GABRB2: variants seen among roughly 807,000 people sequenced by gnomAD.
GABRB2 encodes the protein gamma-aminobutyric acid type A receptor subunit beta2, also known as gamma-aminobutyric acid receptor subunit beta-2.
A neutral mutation model predicts 54.7 loss-of-function variants in GABRB2; 16 were observed. The observed-to-expected ratio is 0.29, with a 90% CI of 0.20 to 0.44. The LOEUF is 0.44. Among genes scored for constraint, GABRB2 ranks in the 20% least tolerant of loss-of-function variants. GABRB2 has a pLI of 1.00. For synonymous variants in GABRB2, 244 were observed against 233.8 expected, an observed-to-expected ratio of 1.04 and a Z score of -0.40; for missense variants, 355 against 644.0, an observed-to-expected ratio of 0.55 and a Z score of 4.86.
chr5:161,475,127 G>A (rs1195348271), intron 3 of GABRB2, among the ~76,000 whole-genome samples: 1 of 151,972 alleles, frequency 6.6e-6, no homozygotes, highest in East Asian at 1.9e-4. Flanking sequence ...GATGGTTTTA[G>A]AGAGAAATAG....
chr5:161,334,972 G>T, intron 6 of GABRB2, 68 bp from the exon 7 acceptor site: 3 of 1,450,746 alleles, frequency 2.1e-6, no homozygotes, highest in Non-Finnish European at 2.9e-6. Flanking sequence ...CTTTAAAGGT[G>T]CATAAACAGT....
chr5:161,547,337 G>A (rs757048695), upstream of GABRB2, among the ~76,000 whole-genome samples: 5 of 149,304 alleles, frequency 3.3e-5, no homozygotes, highest in East Asian at 2.0e-4. Context: ...GGGGAGGCGG[G>A]TACAGAATAA....
At chr5:161,399,352 T>C (rs937783371) in intron 5 of GABRB2, among the ~76,000 whole-genome samples, 48 of 152,106 alleles carry the variant, frequency 3.2e-4, no homozygotes, top group Non-Finnish European at 5.6e-4. Flanking sequence ...CGTTTTTCTA[T>C]GGTTCTAAAC....
In GABRB2 at chr5:161,393,186, C is replaced by A. The variant is rs915126305; in HGVS notation, c.541+17789G>T. Among the ~76,000 whole-genome samples, 35 of 149,728 alleles carry A rather than the reference C, an allele frequency of 2.3e-4. 1 individual carries two copies. Among genetic ancestry groups the A allele is most frequent in the African/African-American group, 8.1e-4 (33 of 40,720 alleles). On this transcript the variant is annotated intron_variant, in intron 5 of 9. Coordinates refer to ENST00000393959, the MANE Select transcript of GABRB2 (RefSeq NM_001371727.1). Reference sequence around the variant, plus strand: ...CCTGATTTCCCAGAAATAAGTATAACAATCAAGTTGCATTAATAGTGTATA... The same window carrying A: ...CCTGATTTCCCAGAAATAAGTATAAAAATCAAGTTGCATTAATAGTGTATA...
chr5:161,489,146 A>C (rs1332054472), intron 3 of GABRB2, among the ~76,000 whole-genome samples: 1 of 151,784 alleles, frequency 6.6e-6, no homozygotes, highest in Non-Finnish European at 1.5e-5. Flanking sequence ...TGAGTAACAA[A>C]GCCATAAGTA....
chr5:161,362,993 A>AGAAATACCATTTGACCC (rs1754858405), intron 5 of GABRB2, among the ~76,000 whole-genome samples: 1 of 152,196 alleles, frequency 6.6e-6, no homozygotes, highest in East Asian at 1.9e-4. Flanking sequence ...ATCTAGAACC[A>AGAAATACCATTTGACCC]GAAATACCAT....
At chr5:161,536,008 T>C (rs992265024) in intron 3 of GABRB2, among the ~76,000 whole-genome samples, 6 of 152,184 alleles carry the variant, frequency 3.9e-5, no homozygotes, top group South Asian at 4.1e-4. Flanking sequence ...GCCGGTTCCA[T>C]GTCTGCTTCT....
In GABRB2 at chr5:161,312,726, T is replaced by C. The variant is rs137997906; in HGVS notation, c.1191+13642A>G. Among the ~76,000 whole-genome samples the C allele has an allele frequency of 2.4e-4, 37 of 152,306 alleles. No homozygotes were observed. In the East Asian group the frequency reaches 6.6e-3, roughly 27 times the overall value. On this transcript the variant is annotated intron_variant, in intron 9 of 9. Transcript: ENST00000393959. ...GTGAGCATCGAGTCGTTTTGGAAAT[T>C]TGCCGAAATTTGTATTATTAGGCAA... is the stretch of plus-strand genomic sequence containing the variant.
At chr5:161,371,350 A>G (rs901145233) in intron 5 of GABRB2, among the ~76,000 whole-genome samples, 1 of 152,208 alleles carries the variant, frequency 6.6e-6, no homozygotes, top group African/African-American at 2.4e-5. Flanking sequence ...GTATATCTGT[A>G]TGCATGCATC....
chr5:161,294,379 T>G lies in GABRB2; in HGVS notation c.1241A>C (p.Glu414Ala). ...ILLSTLEIKN[E>A]MATSEAVMGL... ...CATCACAGCCTCAGATGTGGCCATTTCATTTTTTATCTCGAGAGTGCTCAG... is the reference window on the plus strand; with the variant it reads ...CATCACAGCCTCAGATGTGGCCATTGCATTTTTTATCTCGAGAGTGCTCAG... The change falls in exon 10 of 10, where the codon GAA becomes GCA. Residue 414 changes from glutamate (E) to alanine (A), a missense_variant. Glu to Ala is a moderately radical substitution (Grantham distance 107, BLOSUM62 -1). This residue lies in a region of GABRB2 where 201 missense variants were observed against 228.1 expected (regional missense o/e 0.88). Transcript: ENST00000393959. 1 of 1,614,092 alleles carries G rather than the reference T, an allele frequency of 6.2e-7. No individual in the cohort carries two copies.
At chr5:161,459,366 C>A in intron 4 of GABRB2, 1 of 497,890 alleles carries the variant, frequency 2.0e-6, no homozygotes, top group Non-Finnish European at 3.6e-6. Context: ...ATTCTTTATC[C>A]CTAGTCCTTA....
In GABRB2 at chr5:161,369,289, A is replaced by G. The variant is rs970417217; in HGVS notation, c.542-32520T>C. On this transcript the variant is annotated intron_variant, in intron 5 of 9. Transcript: ENST00000393959. ...CTGTGAGACCATTGAATTGTTCTCA[A>G]TCAAGGAGTTTTAAGAGCAATACTC... Among the ~76,000 whole-genome samples, 10 of 152,348 alleles carry G rather than the reference A, an allele frequency of 6.6e-5. No homozygotes were observed. The East Asian group carries it at 1.2e-3, about 18-fold the overall frequency.
At chr5:161,312,308 T>C (rs936627984) in intron 9 of GABRB2, among the ~76,000 whole-genome samples, 3 of 152,160 alleles carry the variant, frequency 2.0e-5, no homozygotes, top group Non-Finnish European at 2.9e-5. Flanking sequence ...ATCTCTCTCT[T>C]TCATTCTAAC....
intron 5 of GABRB2, among the ~76,000 whole-genome samples, chr5:161,394,650 G>A (rs545170479): frequency 4.6e-5 from 7 of 152,080 alleles, no homozygotes; most frequent in Non-Finnish European, 8.8e-5. Context: ...TATGACATAC[G>A]AAGAAACAGA....
At chr5:161,416,662 A>ACTCCAG (rs1756676341) in intron 4 of GABRB2, among the ~76,000 whole-genome samples, 2 of 136,170 alleles carry the variant, frequency 1.5e-5, no homozygotes, top group Non-Finnish European at 3.1e-5. Flanking sequence ...GCGCCGCTGC[A>ACTCCAG]CTCCAGCCTG....
chr5:161,475,276 T>C (rs1758561066), intron 3 of GABRB2, among the ~76,000 whole-genome samples: 1 of 151,978 alleles, frequency 6.6e-6, no homozygotes. Flanking sequence ...TATGTGAAAG[T>C]CTAAGTCTAC....
At chr5:161,483,720 G>T (rs1395882188) in intron 3 of GABRB2, among the ~76,000 whole-genome samples, 1 of 151,876 alleles carries the variant, frequency 6.6e-6, no homozygotes, top group South Asian at 2.1e-4. Context: ...TTAAAATACA[G>T]CATAAAATAA....
intron 3 of GABRB2, among the ~76,000 whole-genome samples, chr5:161,465,341 G>A (rs936702617): frequency 6.6e-6 from 1 of 152,046 alleles, no homozygotes; most frequent in African/African-American, 2.4e-5. Flanking sequence ...GGCTGACAAG[G>A]CCACCATAAT....
chr5:161,326,334 T>G (rs908342455), intron 9 of GABRB2, 34 bp downstream of exon 9: 1 of 1,605,382 alleles, frequency 6.2e-7, no homozygotes, highest in African/African-American at 1.3e-5. Flanking sequence ...CCAACAGAAA[T>G]ACAAATAAAT....
Sources: gnomAD v4.1 joint callset for allele counts (sites outside exome capture counted in the v4.1 genomes callset) on GRCh38, gnomAD v4.1.1 for gene constraint, gnomAD v4.1.1 regional missense constraint, MANE v1.5 for transcripts, NCBI Gene and HGNC (gene_info 2026-07-23, HGNC 2026-07-21) for gene names.